Variants in LNPK observed in about 807,000 individuals in gnomAD.
LNPK encodes lunapark, ER junction formation factor, also known as endoplasmic reticulum junction formation protein lunapark.
Under a neutral mutation model 55.2 loss-of-function variants are expected in LNPK, and 29 were observed. The ratio of observed to expected loss-of-function variants is 0.53; its 90% confidence interval spans 0.39 to 0.72. The LOEUF is 0.72. LNPK is among the 30% of genes least tolerant of loss of function. The pLI, the probability that LNPK is intolerant of heterozygous loss-of-function variation, is 0.00. For missense variants in LNPK, 467 were observed against 494.8 expected, an observed-to-expected ratio of 0.94 and a Z score of 0.53; for synonymous variants, 162 against 168.2, an observed-to-expected ratio of 0.96 and a Z score of 0.29.
chr2:175,940,844 G>C (rs890947983), intron 9 of LNPK: 1 of 300,310 alleles, frequency 3.3e-6, no homozygotes, highest in African/African-American at 2.3e-5. Context: ...AACTTCTACA[G>C]ATAAAAACTA....
In LNPK at chr2:175,927,583, G is replaced by A. The variant is rs993984603; in HGVS notation, c.*2384C>T. 7 of 152,126 alleles carry A rather than the reference G, an allele frequency of 4.6e-5. No individual in the cohort carries two copies. Among genetic ancestry groups the A allele is most frequent in the Admixed American group, 2.6e-4 (4 of 15,272 alleles). 9.4% of individuals were successfully genotyped at this position (152,126 alleles called of 1,614,324 possible). A position where few individuals can be genotyped will look rare whatever the true frequency, so the allele number is the denominator to read the frequency against. On this transcript the variant is annotated 3_prime_UTR_variant, in exon 13 of 13. Transcript: ENST00000272748. ...TACAGCACAATGATGGCGGGAAGAC[G>A]GAGAGACAGAAGCTAGACCATGTTT... is the stretch of plus-strand genomic sequence containing the variant.
chr2:175,935,426 T>C (rs896290389), intron 12 of LNPK, among the ~76,000 whole-genome samples: 8 of 152,206 alleles, frequency 5.3e-5, no homozygotes, highest in Non-Finnish European at 1.2e-4. Flanking sequence ...AAATGCAGCT[T>C]CATCTGTTCA....
Position 175,928,524 on chromosome 2 carries a change from A to C in LNPK, c.*1443T>G, listed in dbSNP as rs903530506. The C allele has an allele frequency of 2.6e-5, 4 of 151,386 alleles. No homozygotes were observed. The East Asian group carries it at 5.8e-4, about 22-fold the overall frequency. 9.4% of individuals were successfully genotyped at this position (151,386 alleles called of 1,614,324 possible). On this transcript the variant is annotated 3_prime_UTR_variant, in exon 13 of 13. Transcript: ENST00000272748. ...GATTGAGTTCCAAAAAAAAAAAAAA[A>C]AAAAAACTGTCACATATGAGATATT...
At chr2:175,996,358 A>G (rs1687931321) in intron 1 of LNPK, among the ~76,000 whole-genome samples, 1 of 152,208 alleles carries the variant, frequency 6.6e-6, no homozygotes, top group Non-Finnish European at 1.5e-5. Context: ...GTTATCTGGA[A>G]TAGAAGTGTT....
intron 12 of LNPK, 76 bp from the exon 13 acceptor site, chr2:175,930,275 AACACACACACAC>A (rs35338571): frequency 0.055 from 36,372 of 660,304 alleles, 883 homozygotes; most frequent in African/African-American, 0.15. Flanking sequence ...AAAAAAGATA[AACACACACACAC>A]ACACACACAC....
intron 6 of LNPK, among the ~76,000 whole-genome samples, chr2:175,967,192 C>A (rs960381024): frequency 6.6e-6 from 1 of 151,978 alleles, no homozygotes; most frequent in African/African-American, 2.4e-5. Flanking sequence ...CATCAGCTAT[C>A]GTTAGTGTTA....
At chr2:175,984,113 T>G (rs986402740) in intron 4 of LNPK, among the ~76,000 whole-genome samples, 1 of 151,140 alleles carries the variant, frequency 6.6e-6, no homozygotes, top group Admixed American at 6.6e-5. Flanking sequence ...TGTTGGGAGA[T>G]GAAAAGACAA....
At chr2:175,971,832 T>C (rs1199821788) in intron 5 of LNPK, among the ~76,000 whole-genome samples, 1 of 152,238 alleles carries the variant, frequency 6.6e-6, no homozygotes, top group Non-Finnish European at 1.5e-5. Context: ...CAAACATCTG[T>C]ACTTTAATCC....
At chr2:175,998,251 G>C (rs553331393) in intron 1 of LNPK, among the ~76,000 whole-genome samples, 4 of 152,064 alleles carry the variant, frequency 2.6e-5, no homozygotes, top group Admixed American at 1.3e-4. Context: ...AGACCAGCCT[G>C]GCCAAGATGG....
At chr2:175,943,657 GAAACAAAGCCCAATAT>G (rs1684976990) in intron 9 of LNPK, among the ~76,000 whole-genome samples, 3 of 151,954 alleles carry the variant, frequency 2.0e-5, no homozygotes, top group African/African-American at 7.2e-5. Context: ...TTAAAACAAA[GAAACAAAGCCCAATAT>G]AAACATCTCA....
intron 4 of LNPK, among the ~76,000 whole-genome samples, chr2:175,987,716 A>G (rs1687495067): frequency 6.6e-6 from 1 of 152,138 alleles, no homozygotes; most frequent in African/African-American, 2.4e-5. Context: ...CAATCAGTTG[A>G]GAAATAAAAA....
In LNPK at chr2:175,934,974, C is replaced by A. The variant is rs576866018; in HGVS notation, c.1054+2370G>T. Among the ~76,000 whole-genome samples, 27 of 152,056 alleles carry A rather than the reference C, an allele frequency of 1.8e-4. No homozygotes were observed. The Middle Eastern group carries it at 0.017, about 96-fold the overall frequency. ...AGATTCTGTATGTTTTTCTAAAGAGCGGTCCAGAAATTTTAACAGCTTTGT... is the reference window on the plus strand; with the variant it reads ...AGATTCTGTATGTTTTTCTAAAGAGAGGTCCAGAAATTTTAACAGCTTTGT... On this transcript the variant is annotated intron_variant, in intron 12 of 12. Transcript: ENST00000272748.
chr2:175,932,249 A>G (rs1039628366), intron 12 of LNPK: 1 of 445,884 alleles, frequency 2.2e-6, no homozygotes, highest in Non-Finnish European at 4.5e-6. Context: ...TTTACTAGTC[A>G]AAGCCGATTT....
intron 1 of LNPK, among the ~76,000 whole-genome samples, chr2:176,001,537 C>T (rs1688159235): frequency 6.6e-6 from 1 of 152,122 alleles, no homozygotes; most frequent in Admixed American, 6.5e-5. Context: ...TGCACCTTCG[C>T]CCTTCCCCTC....
chr2:175,984,956 C>G (rs1229037689), intron 4 of LNPK, among the ~76,000 whole-genome samples: 1 of 152,166 alleles, frequency 6.6e-6, no homozygotes, highest in African/African-American at 2.4e-5. Flanking sequence ...GGAAACAATG[C>G]AAATGCTCTT....
intron 6 of LNPK, among the ~76,000 whole-genome samples, chr2:175,965,332 T>C (rs142854881): frequency 2.0e-5 from 3 of 152,330 alleles, no homozygotes; most frequent in African/African-American, 7.2e-5. Flanking sequence ...TGGGTTTAAC[T>C]TAAAATATAA....
intron 9 of LNPK, among the ~76,000 whole-genome samples, chr2:175,943,942 G>A (rs564001355): frequency 1.3e-5 from 2 of 152,074 alleles, no homozygotes; most frequent in Admixed American, 1.3e-4. Flanking sequence ...AATAAGGTAA[G>A]AAAAATAAAT....
chr2:175,986,052 A>G (rs1687394609), intron 4 of LNPK, among the ~76,000 whole-genome samples: 1 of 152,224 alleles, frequency 6.6e-6, no homozygotes, highest in Non-Finnish European at 1.5e-5. Context: ...CGAAGATATA[A>G]CAGAAATACC....
At chr2:175,970,833 A>T in intron 5 of LNPK, 29 bp from the exon 6 acceptor site, 1 of 1,399,782 alleles carries the variant, frequency 7.1e-7, no homozygotes, top group Admixed American at 2.5e-5. Context: ...ATCAAAGATT[A>T]AGATATTTAG....
Sources: gnomAD v4.1 joint callset for allele counts (sites outside exome capture counted in the v4.1 genomes callset) on GRCh38, gnomAD v4.1.1 for gene constraint, MANE v1.5 for transcripts, NCBI Gene and HGNC (gene_info 2026-07-23, HGNC 2026-07-21) for gene names.